The following RASAL2 variants were observed in gnomAD, a reference collection of about 807,000 sequenced individuals.
RASAL2 encodes ras GTPase-activating protein nGAP.
A neutral mutation model predicts 128.9 loss-of-function variants in RASAL2; 58 were observed. The ratio of observed to expected loss-of-function variants is 0.45; its 90% confidence interval spans 0.36 to 0.56. The LOEUF is 0.56. RASAL2 is among the 20% of genes least tolerant of loss of function. The probability of loss-of-function intolerance (pLI) is 0.00; values close to 1 mark genes in which losing one functional copy is unlikely to be tolerated. For missense variants in RASAL2, 1,360 were observed against 1,601.6 expected (o/e 0.85, Z 2.57); for synonymous variants, 561 against 580.8 (o/e 0.97, Z 0.49).
intron 1 of RASAL2, among the ~76,000 whole-genome samples, chr1:178,128,380 G>A (rs451341): frequency 0.62 from 93,946 of 151,934 alleles, 32,170 homozygotes; most frequent in East Asian, 0.8. Flanking sequence ...GTGATATGAA[G>A]GTAATAATAG....
At chr1:178,381,712 A>C (rs1451826005) in intron 3 of RASAL2, among the ~76,000 whole-genome samples, 1 of 152,088 alleles carries the variant, frequency 6.6e-6, no homozygotes, top group African/African-American at 2.4e-5. Context: ...AAATGATGGT[A>C]TGAATAAATC....
intron 1 of RASAL2, among the ~76,000 whole-genome samples, chr1:178,190,999 A>G (rs1048259173): frequency 6.6e-6 from 1 of 152,192 alleles, no homozygotes; most frequent in Non-Finnish European, 1.5e-5. Context: ...TTCTATCACC[A>G]TCTAATTGCT....
intron 2 of RASAL2, among the ~76,000 whole-genome samples, chr1:178,291,797 G>A (rs1425892661): frequency 4.6e-5 from 7 of 152,150 alleles, no homozygotes. Flanking sequence ...AGCACTTTTG[G>A]AGGCCGAGGC....
chr1:178,318,310 C>T lies in RASAL2; in HGVS notation c.457+18192C>T, dbSNP rs1244882712. Among the ~76,000 whole-genome samples, 919 of 146,568 alleles carry T rather than the reference C, an allele frequency of 6.3e-3. 7 individuals carry two copies. The highest frequency in any genetic ancestry group is 0.021 in the African/African-American group (846 of 39,842). On this transcript the variant is annotated intron_variant, in intron 3 of 17. Transcript: ENST00000367649. ...GAGTTCTGTAGATGTCTATTAGGTC[C>T]GCTTGGTGCAGAGCTGAGTTCAATT...
intron 1 of RASAL2, among the ~76,000 whole-genome samples, chr1:178,094,982 C>CCAGG (rs1345860080): frequency 6.6e-6 from 1 of 152,098 alleles, no homozygotes; most frequent in Non-Finnish European, 1.5e-5. Flanking sequence ...AAGGGAACAG[C>CCAGG]CAGGCAATCA....
At chr1:178,150,908 G>T (rs115259742) in intron 1 of RASAL2, among the ~76,000 whole-genome samples, 7,228 of 152,080 alleles carry the variant, frequency 0.048, 265 homozygotes, top group Non-Finnish European at 0.073. Flanking sequence ...TTAGTGCCAT[G>T]ATTTTTTTCA....
rs1671989257 is a variant in RASAL2 at position 178,376,379 on chromosome 1, A to G, written c.458-13721A>G. On this transcript the variant is annotated intron_variant, in intron 3 of 17. Transcript: ENST00000367649. ...GAAGAAATCTGTGACTGACAGAAAC[A>G]TGTACCCTGTTAAAAACTAGATTGA... Among the ~76,000 whole-genome samples the G allele has an allele frequency of 2.0e-5, 3 of 152,182 alleles. No individual in the cohort carries two copies. The South Asian group carries it at 6.2e-4, about 31-fold the overall frequency.
At chr1:178,197,372 T>A (rs1442455815) in intron 1 of RASAL2, among the ~76,000 whole-genome samples, 1 of 152,000 alleles carries the variant, frequency 6.6e-6, no homozygotes, top group Non-Finnish European at 1.5e-5. Context: ...GAGAATTGCT[T>A]GAACCTGGGA....
At chr1:178,125,633 A>G (rs1659867348) in intron 1 of RASAL2, 1 of 152,226 alleles carries the variant, frequency 6.6e-6, no homozygotes. Flanking sequence ...TAAGTAGCTT[A>G]CAATTACATT....
intron 3 of RASAL2, among the ~76,000 whole-genome samples, chr1:178,380,727 G>A (rs555580811): frequency 6.6e-6 from 1 of 152,268 alleles, no homozygotes; most frequent in South Asian, 2.1e-4. Flanking sequence ...AAAACATTGT[G>A]AGAGAAATAC....
chr1:178,389,977 T>G, intron 3 of RASAL2, 123 bp from the exon 4 acceptor site: 1 of 606,516 alleles, frequency 1.6e-6, no homozygotes, highest in East Asian at 2.9e-5. Context: ...TTATGTGAGA[T>G]AGAATGTAAT....
chr1:178,319,100 T>C (rs1390712007), intron 3 of RASAL2, among the ~76,000 whole-genome samples: 3 of 152,204 alleles, frequency 2.0e-5, no homozygotes, highest in Non-Finnish European at 4.4e-5. Flanking sequence ...ATTCTTTTCT[T>C]TAAGAATGTT....
At chr1:178,309,849 T>C (rs1340242565) in intron 3 of RASAL2, among the ~76,000 whole-genome samples, 1 of 152,132 alleles carries the variant, frequency 6.6e-6, no homozygotes, top group Admixed American at 6.6e-5. Context: ...AATTTGTAAG[T>C]GTATTTTGAA....
At chr1:178,447,701 A>AAT (rs57404109) in intron 9 of RASAL2, among the ~76,000 whole-genome samples, 8 of 142,806 alleles carry the variant, frequency 5.6e-5, no homozygotes, top group Non-Finnish European at 1.2e-4. Context: ...AAAAAAAAAA[A>AAT]GCCATTGTAA....
intron 1 of RASAL2, among the ~76,000 whole-genome samples, chr1:178,221,520 CAT>C (rs776384369): frequency 6.6e-6 from 1 of 152,060 alleles, no homozygotes; most frequent in African/African-American, 2.4e-5. Flanking sequence ...TCTTTGATAA[CAT>C]GTACTTGAAA....
chr1:178,237,269 T>C (rs1305390806), intron 1 of RASAL2, among the ~76,000 whole-genome samples: 1 of 151,934 alleles, frequency 6.6e-6, no homozygotes, highest in Non-Finnish European at 1.5e-5. Context: ...GAACACATGA[T>C]GTTTGAGAGT....
chr1:178,450,546 A>G (rs954624567), intron 9 of RASAL2, among the ~76,000 whole-genome samples: 1 of 152,128 alleles, frequency 6.6e-6, no homozygotes, highest in African/African-American at 2.4e-5. Flanking sequence ...AATACTAACC[A>G]CTTTGATAGA....
rs1648670571 is a variant in RASAL2, at chr1:178,476,330, G to T, written c.*3091G>T. The T allele has an allele frequency of 2.6e-5, 4 of 152,170 alleles. No homozygotes were observed. The highest frequency in any genetic ancestry group is 1.3e-4 in the Admixed American group (2 of 15,282). The allele number at this position is 152,170 out of a possible 1,614,324, so 9.4% of individuals were successfully genotyped here. ...ATATTACTGAAGCAATAAGCAATCT[G>T]AGCTGAAGCAGCAAAAAGAGTCACA... On this transcript the variant is annotated 3_prime_UTR_variant, in exon 18 of 18. Transcript: ENST00000367649.
At chr1:178,278,430 G>T (rs1049102534) in intron 1 of RASAL2, among the ~76,000 whole-genome samples, 6 of 152,082 alleles carry the variant, frequency 3.9e-5, no homozygotes, top group Admixed American at 2.0e-4. Flanking sequence ...TGTTTGAAAG[G>T]ATTCAACTGA....
Sources: allele counts gnomAD v4.1 joint callset (sites outside exome capture counted in the v4.1 genomes callset), GRCh38; gene constraint gnomAD v4.1.1; transcripts MANE v1.5; gene names NCBI Gene and HGNC (gene_info 2026-07-23, HGNC 2026-07-21).